CSMD2: variants seen among roughly 807,000 people sequenced by gnomAD.
CSMD2 encodes CUB and Sushi multiple domains 2.
Under a neutral mutation model 398.5 loss-of-function variants are expected in CSMD2, and 130 were observed. The ratio of observed to expected loss-of-function variants is 0.33; its 90% confidence interval spans 0.28 to 0.38. The LOEUF is 0.38. Ranked by LOEUF, CSMD2 falls within the 10% of genes least tolerant of loss-of-function variation. The probability of loss-of-function intolerance (pLI) is 1.00; values close to 1 mark genes in which losing one functional copy is unlikely to be tolerated. For synonymous variants in CSMD2, 1,828 were observed against 1,908.5 expected (o/e 0.96, Z 1.10); for missense variants, 3,829 against 4,764.9 (o/e 0.80, Z 5.78).
chr1:34,137,022 C>T (rs891840185), intron 1 of CSMD2, among the ~76,000 whole-genome samples: 1 of 152,128 alleles, frequency 6.6e-6, no homozygotes, highest in Non-Finnish European at 1.5e-5. Flanking sequence ...CAATCAAACA[C>T]ATCCTTCCAT....
At position 33,719,775 on chromosome 1, in the gene CSMD2, C is replaced by A. The variant is rs564745012; in HGVS notation, c.3002-3274G>T. Among the ~76,000 whole-genome samples the A allele has an allele frequency of 7.9e-5, 12 of 152,296 alleles. No homozygotes were observed. In the South Asian group the frequency reaches 2.3e-3, roughly 29 times the overall value. ...AACTGTAATATGTAGGCAATAATAT[C>A]TCTCTTACAGGTGACATTTACCCCC... is the stretch of plus-strand genomic sequence containing the variant. On this transcript the variant is annotated intron_variant, in intron 19 of 70. Coordinates refer to ENST00000373381, the MANE Select transcript of CSMD2 (RefSeq NM_001281956.2).
chr1:33,740,550 C>T (rs886285852), intron 14 of CSMD2, among the ~76,000 whole-genome samples: 4 of 152,196 alleles, frequency 2.6e-5, no homozygotes, highest in Non-Finnish European at 4.4e-5. Context: ...GGTAAGGGAG[C>T]CTCTGATGTG....
At chr1:34,031,618 G>A (rs1356236455) in intron 3 of CSMD2, among the ~76,000 whole-genome samples, 1 of 151,892 alleles carries the variant, frequency 6.6e-6, no homozygotes, top group Admixed American at 6.6e-5. Flanking sequence ...TGCCACCAGG[G>A]GTGGTTTTTT....
intron 5 of CSMD2, among the ~76,000 whole-genome samples, chr1:33,855,691 C>T (rs565125982): frequency 6.6e-5 from 10 of 152,172 alleles, no homozygotes; most frequent in Admixed American, 3.9e-4. Flanking sequence ...ATCTGAGATC[C>T]GGGAAGGCAG....
intron 10 of CSMD2, among the ~76,000 whole-genome samples, chr1:33,796,281 G>A (rs2124897110): frequency 6.6e-6 from 1 of 152,334 alleles, no homozygotes; most frequent in South Asian, 2.1e-4. Flanking sequence ...ATCAACTCAT[G>A]AGAAATGCAG....
intron 14 of CSMD2, among the ~76,000 whole-genome samples, chr1:33,742,647 C>A (rs1647119083): frequency 7.8e-6 from 1 of 128,626 alleles, no homozygotes; most frequent in Non-Finnish European, 1.6e-5. Context: ...TGAGTTTAGG[C>A]TGCTTCTAGA....
rs1345245355 is a variant in CSMD2, at chr1:33,700,621, G to A, written c.3629C>T (p.Ser1210Phe). The A allele has an allele frequency of 6.2e-7, 1 of 1,614,154 alleles. No homozygotes were observed. Among genetic ancestry groups the A allele is most frequent in the Admixed American group, 1.7e-5 (1 of 60,016 alleles). Residue 1210 changes from serine (S) to phenylalanine (F), a missense_variant, in exon 23 of 71, where the codon TCT becomes TTT. Coordinates refer to ENST00000373381, the MANE Select transcript of CSMD2 (RefSeq NM_001281956.2). ...GTTCAAAGTCACCCCCATCATCTCA[G>A]AATGGCTAAAAACTCCCAGCAAACG... Reference protein sequence around the residue: ...SARLLGVFSHSEMMGVTLNST... With the variant: ...SARLLGVFSHFEMMGVTLNST...
chr1:33,684,475 C>A (rs922904871), intron 25 of CSMD2, among the ~76,000 whole-genome samples: 3 of 152,190 alleles, frequency 2.0e-5, no homozygotes, highest in African/African-American at 7.2e-5. Flanking sequence ...TCCCCCTCCA[C>A]GAAGCCAGAC....
At chr1:33,849,029 C>T (rs977450372) in intron 5 of CSMD2, among the ~76,000 whole-genome samples, 6 of 152,106 alleles carry the variant, frequency 3.9e-5, no homozygotes, top group East Asian at 1.9e-4. Context: ...GAGACTTCCC[C>T]GGCCTGTGAG....
intron 19 of CSMD2, among the ~76,000 whole-genome samples, chr1:33,723,357 G>C (rs1646422947): frequency 6.6e-6 from 1 of 152,194 alleles, no homozygotes; most frequent in African/African-American, 2.4e-5. Flanking sequence ...TTGGGCCTAA[G>C]CATTAGTGTA....
intron 25 of CSMD2, among the ~76,000 whole-genome samples, chr1:33,685,522 A>C (rs538453502): frequency 6.6e-6 from 1 of 152,186 alleles, no homozygotes; most frequent in Admixed American, 6.5e-5. Context: ...ACAGCTCCTT[A>C]TTATACTGAG....
chr1:34,165,628 A>T, upstream of CSMD2: 1 of 862,112 alleles, frequency 1.2e-6, no homozygotes, highest in Non-Finnish European at 1.9e-6. Context: ...AGTGACAGAG[A>T]CACACGCACT....
chr1:33,544,520 A>C (rs966494137), intron 57 of CSMD2, among the ~76,000 whole-genome samples: 1 of 152,058 alleles, frequency 6.6e-6, no homozygotes, highest in Admixed American at 6.6e-5. Flanking sequence ...CCAGGCAGTA[A>C]GAGTACTCAT....
intron 25 of CSMD2, among the ~76,000 whole-genome samples, chr1:33,683,497 G>A (rs1406225491): frequency 2.0e-5 from 3 of 152,172 alleles, no homozygotes; most frequent in Non-Finnish European, 2.9e-5. Flanking sequence ...AACCCACAGG[G>A]AACGTGCATT....
At chr1:34,087,796 A>G (rs565344011) in intron 2 of CSMD2, among the ~76,000 whole-genome samples, 1 of 152,142 alleles carries the variant, frequency 6.6e-6, no homozygotes, top group African/African-American at 2.4e-5. Context: ...TCTCACTGCT[A>G]TTCCCCAGCA....
chr1:33,702,941 T>G (rs1202459961), intron 22 of CSMD2, among the ~76,000 whole-genome samples: 1 of 152,194 alleles, frequency 6.6e-6, no homozygotes, highest in Non-Finnish European at 1.5e-5. Flanking sequence ...TTTGTAAATA[T>G]TCCACACACT....
intron 39 of CSMD2, among the ~76,000 whole-genome samples, chr1:33,616,274 A>G (rs555913826): frequency 9.9e-5 from 15 of 150,922 alleles, no homozygotes; most frequent in Non-Finnish European, 2.1e-4. Flanking sequence ...GTTGTGCTCT[A>G]TCACCCAGGC....
chr1:33,911,969 C>A (rs574839528), intron 5 of CSMD2, among the ~76,000 whole-genome samples: 1 of 152,174 alleles, frequency 6.6e-6, no homozygotes, highest in African/African-American at 2.4e-5. Flanking sequence ...TAGAAGAATG[C>A]GCTTCCCACC....
At chr1:33,619,438 C>T (rs1557632282) in intron 37 of CSMD2, among the ~76,000 whole-genome samples, 1 of 152,202 alleles carries the variant, frequency 6.6e-6, no homozygotes, top group Non-Finnish European at 1.5e-5. Flanking sequence ...ACCAACCCAT[C>T]TTCCCAGGCA....
Sources: allele counts gnomAD v4.1 joint callset (sites outside exome capture counted in the v4.1 genomes callset), GRCh38; gene constraint gnomAD v4.1.1; transcripts MANE v1.5; gene names NCBI Gene and HGNC (gene_info 2026-07-23, HGNC 2026-07-21).